FBXO25: variants seen among roughly 807,000 people sequenced by gnomAD.
The protein encoded by FBXO25 is F-box protein 25, also known as F-box only protein 25.
A neutral mutation model predicts 51.9 loss-of-function variants in FBXO25; 45 were observed. The observed-to-expected ratio is 0.87, with a 90% confidence interval of 0.68 to 1.11. The LOEUF (loss-of-function observed/expected upper bound fraction) is 1.11. Among genes scored for constraint, FBXO25 ranks in the 50% most tolerant of loss-of-function variants. FBXO25 has a pLI of 0.00. For synonymous variants in FBXO25, 199 were observed against 151.0 expected (o/e 1.32, Z -2.33); for missense variants, 507 against 428.5 (o/e 1.18, Z -1.62).
intron 8 of FBXO25, among the ~76,000 whole-genome samples, chr8:461,548 CG>C (rs1454400463): frequency 6.6e-6 from 1 of 152,176 alleles, no homozygotes; most frequent in African/African-American, 2.4e-5. Flanking sequence ...TACCTCCCAC[CG>C]GGTCCCTCCC....
intron 4 of FBXO25, among the ~76,000 whole-genome samples, chr8:434,588 G>C (rs1797994683): frequency 6.6e-6 from 1 of 152,130 alleles, no homozygotes; most frequent in Non-Finnish European, 1.5e-5. Flanking sequence ...CAGAGACAAA[G>C]GTGCTATGAC....
At chr8:467,670 T>C in intron 9 of FBXO25, 1 of 1,599,232 alleles carries the variant, frequency 6.3e-7, no homozygotes. Context: ...TTCCTTTTTT[T>C]CCCTCCCTTC....
At chr8:452,692 T>A (rs1530662) in intron 7 of FBXO25, among the ~76,000 whole-genome samples, 1 of 151,982 alleles carries the variant, frequency 6.6e-6, no homozygotes, top group African/African-American at 2.4e-5. Flanking sequence ...CAGCCTTTCT[T>A]GTCTGGCTGG....
chr8:437,122 A>G (rs1416696807), intron 5 of FBXO25, among the ~76,000 whole-genome samples: 2 of 152,044 alleles, frequency 1.3e-5, no homozygotes, highest in East Asian at 1.9e-4. Context: ...TTTTCTTCAA[A>G]TTTACTTTTC....
intron 2 of FBXO25, among the ~76,000 whole-genome samples, chr8:426,635 C>T (rs1158062983): frequency 2.0e-5 from 3 of 151,840 alleles, no homozygotes; most frequent in Non-Finnish European, 4.4e-5. Context: ...GTGTCTGATG[C>T]CCTTTGATAG....
intron 7 of FBXO25, among the ~76,000 whole-genome samples, chr8:454,737 A>G (rs947839747): frequency 5.3e-5 from 8 of 151,898 alleles, no homozygotes; most frequent in African/African-American, 1.9e-4. Flanking sequence ...TAAAAATACA[A>G]AAAATTAGCC....
At chr8:414,829 C>T (rs573594510) in intron 2 of FBXO25, among the ~76,000 whole-genome samples, 2 of 152,304 alleles carry the variant, frequency 1.3e-5, no homozygotes, top group African/African-American at 2.4e-5. Flanking sequence ...GTCAGCACCA[C>T]CTTTTACCCC....
rs1800584108 is a variant in FBXO25, at chr8:474,481, T to G, written c.*5677T>G. ...TTTCTTAGGGCACTGCCATAAGTGT[T>G]TTACACGGTGGCTGCACCATTTTAC... is the stretch of plus-strand genomic sequence containing the variant. On this transcript the variant is annotated 3_prime_UTR_variant, in exon 10 of 10. Coordinates refer to ENST00000350302, the MANE Select transcript of FBXO25 (RefSeq NM_183420.2). 8 of 331,346 alleles carry G rather than the reference T, an allele frequency of 2.4e-5. No homozygotes were observed. The highest frequency in any genetic ancestry group is 1.9e-4 in the South Asian group (8 of 41,348). The allele number at this position is 331,346 out of a possible 1,614,324, so 20.5% of individuals were successfully genotyped here.
chr8:430,088 G>A (rs1286824155), intron 2 of FBXO25, among the ~76,000 whole-genome samples: 1 of 152,218 alleles, frequency 6.6e-6, no homozygotes, highest in African/African-American at 2.4e-5. Flanking sequence ...AGATTAGTCA[G>A]CAGTCCTGTC....
In FBXO25 at chr8:431,400, A is replaced by T. The variant is rs1275408499; in HGVS notation, c.194A>T (p.Lys65Ile). 3 of 1,555,208 alleles carry T rather than the reference A, an allele frequency of 1.9e-6. No individual in the cohort carries two copies. The African/African-American group carries it at 4.2e-5, about 22-fold the overall frequency. The stretch of plus-strand genomic sequence containing the variant: ...AATGAAGAGCATGAATATGCATCGA[A>T]AAAAAGGAAAAAGGACCATTTTAGA... The part of the protein sequence containing the change: ...FNNEEHEYAS[K>I]KRKKDHFRND... Residue 65 changes from lysine (K) to isoleucine (I), a missense_variant, in exon 3 of 10, where the codon AAA becomes ATA. Transcript: ENST00000350302.
In FBXO25 at chr8:469,441, A is replaced by G. The variant is rs967967692; in HGVS notation, c.*637A>G. On this transcript the variant is annotated 3_prime_UTR_variant, in exon 10 of 10. Transcript: ENST00000350302. The stretch of plus-strand genomic sequence containing the variant: ...CATCCAGCACAGGTTCTGGCAGGGC[A>G]CCCCTGCTGGGGTTGGGGGCTGGTC... 1.3e-5 allele frequency: 2 copies of G among 152,438 alleles called. No homozygotes were observed. The highest frequency in any genetic ancestry group is 1.3e-4 in the Admixed American group (2 of 15,288). The allele number at this position is 152,438 out of a possible 1,614,324, so 9.4% of individuals were successfully genotyped here.
chr8:435,475 A>T, intron 4 of FBXO25, 140 bp from the exon 5 acceptor site: 2 of 1,011,772 alleles, frequency 2.0e-6, no homozygotes, highest in Non-Finnish European at 2.9e-6. Flanking sequence ...CTATACTCTC[A>T]TCTAAATCTA....
intron 7 of FBXO25, among the ~76,000 whole-genome samples, chr8:452,976 A>G (rs1358471698): frequency 6.6e-6 from 1 of 152,114 alleles, no homozygotes. Context: ...ATAATAGTGC[A>G]TGTGGCCCCA....
At chr8:466,378 C>G (rs1004958993) in intron 9 of FBXO25, among the ~76,000 whole-genome samples, 2 of 152,198 alleles carry the variant, frequency 1.3e-5, no homozygotes, top group African/African-American at 4.8e-5. Flanking sequence ...ACCCACCACA[C>G]AGAGGAGCTG....
intron 9 of FBXO25, among the ~76,000 whole-genome samples, chr8:466,219 A>G (rs941637089): frequency 6.6e-6 from 1 of 152,230 alleles, no homozygotes; most frequent in Admixed American, 6.5e-5. Context: ...CCTGTCTTCC[A>G]TCTCCTCCGC....
intron 7 of FBXO25, among the ~76,000 whole-genome samples, chr8:457,262 A>G (rs141103084): frequency 2.0e-5 from 3 of 152,296 alleles, no homozygotes; most frequent in African/African-American, 2.4e-5. Context: ...TTCTAGTGAG[A>G]ATGAAGGGAT....
chr8:419,338 C>A (rs1797013397), intron 2 of FBXO25, among the ~76,000 whole-genome samples: 3 of 152,142 alleles, frequency 2.0e-5, no homozygotes, highest in Admixed American at 2.0e-4. Flanking sequence ...CATTGCACTC[C>A]AGCCTGGGCA....
intron 5 of FBXO25, among the ~76,000 whole-genome samples, chr8:437,320 C>T (rs1394331976): frequency 6.6e-6 from 1 of 152,204 alleles, no homozygotes; most frequent in African/African-American, 2.4e-5. Context: ...TCCAAAGCAC[C>T]TCTCAGATGT....
intron 2 of FBXO25, among the ~76,000 whole-genome samples, chr8:430,355 C>G (rs1303212083): frequency 6.6e-6 from 1 of 152,046 alleles, no homozygotes; most frequent in Non-Finnish European, 1.5e-5. Context: ...TTCAAATGTG[C>G]TTTGCTTGTC....
Sources: allele counts gnomAD v4.1 joint callset (sites outside exome capture counted in the v4.1 genomes callset), GRCh38; gene constraint gnomAD v4.1.1; transcripts MANE v1.5; gene names NCBI Gene and HGNC (gene_info 2026-07-23, HGNC 2026-07-21).